Variants in FAM149B1 observed in about 807,000 individuals in gnomAD.
The protein encoded by FAM149B1 is primary cilium assembly protein FAM149B1.
In FAM149B1, 56 loss-of-function variants were observed where a neutral mutation model predicts 75.3. That is an observed-to-expected ratio of 0.74 (90% confidence interval 0.60 to 0.93). The LOEUF (loss-of-function observed/expected upper bound fraction) is 0.93, where lower values mean the gene tolerates loss of function less well. FAM149B1 is among the 40% of genes least tolerant of loss of function. The pLI is 0.00. For synonymous variants in FAM149B1, 259 were observed against 256.1 expected, an observed-to-expected ratio of 1.01 and a Z score of -0.11; for missense variants, 639 against 708.4, an observed-to-expected ratio of 0.90 and a Z score of 1.11.
intron 3 of FAM149B1, among the ~76,000 whole-genome samples, chr10:73,189,613 A>C (rs2042631580): frequency 6.6e-6 from 1 of 152,246 alleles, no homozygotes; most frequent in Non-Finnish European, 1.5e-5. Flanking sequence ...GAACCTCAAA[A>C]AGATTCTCCT....
At chr10:73,217,117 G>A (rs901746564) in intron 7 of FAM149B1, among the ~76,000 whole-genome samples, 2 of 152,140 alleles carry the variant, frequency 1.3e-5, no homozygotes, top group African/African-American at 2.4e-5. Flanking sequence ...GAGATTCATC[G>A]CTGTCATTAT....
chr10:73,168,409 C>G, intron 1 of FAM149B1, 23 bp downstream of exon 1: 1 of 1,548,698 alleles, frequency 6.5e-7, no homozygotes. Context: ...CTCAGCCACC[C>G]CAGCCGGGGC....
intron 7 of FAM149B1, 125 bp from the exon 8 acceptor site, chr10:73,227,934 TG>T (rs1368777202): frequency 9.8e-7 from 1 of 1,015,974 alleles, no homozygotes; most frequent in Non-Finnish European, 1.5e-6. Context: ...GGCATAAAAT[TG>T]TACTGCAAAG....
Position 73,242,972 on chromosome 10 carries a change from C to T in FAM149B1, c.*1953C>T, listed in dbSNP as rs1402519341. 3.6e-5 allele frequency: 6 copies of T among 166,066 alleles called. No individual in the cohort carries two copies. The highest frequency in any genetic ancestry group is 1.4e-4 in the African/African-American group (6 of 41,572). The allele number at this position is 166,066 out of a possible 1,614,324, so 10.3% of individuals were successfully genotyped here. On this transcript the variant is annotated 3_prime_UTR_variant, in exon 14 of 14. Transcript: ENST00000242505. Reference sequence around the variant, plus strand: ...CAAGATCATTAAGACCAAATGTAAACTGGGAAGTATGTGGAAGATAGCTGT... The same window carrying T: ...CAAGATCATTAAGACCAAATGTAAATTGGGAAGTATGTGGAAGATAGCTGT...
At chr10:73,185,399 A>G (rs531080118) in intron 3 of FAM149B1, among the ~76,000 whole-genome samples, 14 of 152,222 alleles carry the variant, frequency 9.2e-5, no homozygotes, top group African/African-American at 3.4e-4. Context: ...AACTAAAACA[A>G]TTAGCCAGGT....
chr10:73,209,312 G>A (rs2043134672), intron 6 of FAM149B1, among the ~76,000 whole-genome samples: 1 of 152,108 alleles, frequency 6.6e-6, no homozygotes, highest in Non-Finnish European at 1.5e-5. Context: ...GCTGGGCATG[G>A]TGATGCGTGC....
intron 10 of FAM149B1, among the ~76,000 whole-genome samples, chr10:73,233,545 T>G (rs1183380841): frequency 6.6e-6 from 1 of 152,138 alleles, no homozygotes; most frequent in Admixed American, 6.5e-5. Flanking sequence ...GGTCTTGTCA[T>G]GTTGCCCAGG....
chr10:73,192,668 A>G lies in FAM149B1; in HGVS notation c.395A>G (p.Gln132Arg), dbSNP rs1180948810. The G allele has an allele frequency of 1.3e-6, 2 of 1,549,058 alleles. No homozygotes were observed. The highest frequency in any genetic ancestry group is 2.7e-5 in the African/African-American group (2 of 73,046). ...ACCAAGAGTCTACAAGAAGAGTGCC[A>G]ACAGTGGACAGCTAGCTTTCCTCAC... Reference protein sequence around the residue: ...VHTKSLQEECQQWTASFPHLR... With the variant: ...VHTKSLQEECRQWTASFPHLR... Residue 132 changes from glutamine to arginine, a missense_variant, in exon 4 of 14, where the codon CAA (glutamine) becomes CGA (arginine). Physicochemically the swap from Gln to Arg is conservative, Grantham distance 43. Transcript: ENST00000242505.
intron 7 of FAM149B1, among the ~76,000 whole-genome samples, chr10:73,225,292 T>C (rs1359677621): frequency 2.0e-5 from 3 of 152,226 alleles, no homozygotes; most frequent in Non-Finnish European, 1.5e-5. Flanking sequence ...CCACAGGAGA[T>C]GACAGCTCCA....
chr10:73,203,676 G>C (rs2042989489), intron 5 of FAM149B1, among the ~76,000 whole-genome samples: 1 of 149,354 alleles, frequency 6.7e-6, no homozygotes, highest in Non-Finnish European at 1.5e-5. Context: ...GTCTCACTCT[G>C]TTGCCCAGGC....
At chr10:73,216,179 G>T (rs1197637335) in intron 7 of FAM149B1, among the ~76,000 whole-genome samples, 1 of 152,080 alleles carries the variant, frequency 6.6e-6, no homozygotes, top group East Asian at 1.9e-4. Flanking sequence ...TTATGTTTTT[G>T]ATTTAAAGTC....
chr10:73,230,154 C>T (rs1345757946), intron 8 of FAM149B1: 6 of 337,244 alleles, frequency 1.8e-5, no homozygotes, highest in Non-Finnish European at 2.8e-5. Context: ...TCCTCACTCC[C>T]TGTAAGAGGG....
rs182810819 is a variant in FAM149B1, at chr10:73,235,178, T to C, written c.1477-15T>C. The C allele has an allele frequency of 5.8e-6, 9 of 1,551,244 alleles. No homozygotes were observed. In the Admixed American group the frequency reaches 1.6e-4, roughly 27 times the overall value. On this transcript the variant is annotated splice_polypyrimidine_tract_variant and intron_variant, in intron 11 of 13. Transcript: ENST00000242505. ...ATAGTTTTCACTGTTTCTGTAACTT[T>C]TGTCTCCTCTGCAGAAACCCCATGG... is the stretch of plus-strand genomic sequence containing the variant.
intron 12 of FAM149B1, among the ~76,000 whole-genome samples, chr10:73,237,904 T>C (rs746121817): frequency 6.6e-6 from 1 of 152,176 alleles, no homozygotes; most frequent in African/African-American, 2.4e-5. Context: ...CATTTAATTT[T>C]TGATTGCCTT....
At chr10:73,204,180 A>G (rs2133357293) in intron 5 of FAM149B1, among the ~76,000 whole-genome samples, 1 of 152,098 alleles carries the variant, frequency 6.6e-6, no homozygotes, top group Non-Finnish European at 1.5e-5. Flanking sequence ...GCTGGAGTGC[A>G]GTGGTGTAAT....
intron 3 of FAM149B1, among the ~76,000 whole-genome samples, chr10:73,188,550 G>A (rs2042588345): frequency 6.6e-6 from 1 of 151,860 alleles, no homozygotes; most frequent in Non-Finnish European, 1.5e-5. Context: ...GTGAAGCCCC[G>A]TCTCTCTTAA....
intron 5 of FAM149B1, among the ~76,000 whole-genome samples, chr10:73,198,791 G>A (rs1028955804): frequency 6.6e-6 from 1 of 152,172 alleles, no homozygotes; most frequent in Non-Finnish European, 1.5e-5. Flanking sequence ...GGCGGCAAGA[G>A]TGAAACTCCA....
rs1366302181 is a variant in FAM149B1 at position 73,228,135 on chromosome 10, T to A, written c.974T>A (p.Val325Glu). 1 of 1,551,434 alleles carries A rather than the reference T, an allele frequency of 6.4e-7. No homozygotes were observed. The highest frequency in any genetic ancestry group is 8.7e-7 in the Non-Finnish European group (1 of 1,146,894). ...GTGCTGAGTGAACTACATCCTTTGG[T>A]GTTACCGCGAGTGCCACAGTCTAAG... ...SCVLSELHPL[V>E]LPRVPQSKVL... is the part of the protein sequence containing the mutation. Residue 325 changes from valine (V) to glutamate (E), a missense_variant, in exon 8 of 14, where the codon GTG becomes GAG. By Grantham distance (121) the Val-to-Glu change is moderately radical. Transcript: ENST00000242505.
At chr10:73,215,592 T>C (rs2043281479) in intron 7 of FAM149B1, among the ~76,000 whole-genome samples, 4 of 152,216 alleles carry the variant, frequency 2.6e-5, no homozygotes, top group Non-Finnish European at 5.9e-5. Flanking sequence ...TGCTGTATCC[T>C]ACAGGTTTTA....
Sources: gnomAD v4.1 joint callset for allele counts (sites outside exome capture counted in the v4.1 genomes callset) on GRCh38, gnomAD v4.1.1 for gene constraint, MANE v1.5 for transcripts, NCBI Gene and HGNC (gene_info 2026-07-23, HGNC 2026-07-21) for gene names.